SYT1: variants seen among roughly 807,000 people sequenced by gnomAD.
The protein encoded by SYT1 is synaptotagmin-1.
SYT1 carries 8 observed loss-of-function variants against 44.8 expected under a neutral mutation model. The ratio of observed to expected loss-of-function variants is 0.18; its 90% CI spans 0.10 to 0.32. The LOEUF (loss-of-function observed/expected upper bound fraction) is 0.32, where lower values mean the gene tolerates loss of function less well. SYT1 is among the 10% of genes least tolerant of loss of function. The pLI, the probability that SYT1 is intolerant of heterozygous loss-of-function variation, is 1.00. For missense variants in SYT1, 286 were observed against 509.3 expected (o/e 0.56, Z 4.22); for synonymous variants, 154 against 188.8 (o/e 0.82, Z 1.51).
At chr12:79,019,229 G>A (rs935137032) in intron 2 of SYT1, among the ~76,000 whole-genome samples, 2 of 151,880 alleles carry the variant, frequency 1.3e-5, no homozygotes, top group Admixed American at 6.6e-5. Context: ...ATGTGATTTC[G>A]CAGTCTATAA....
At chr12:79,331,923 CTT>C (rs1881875641) in intron 8 of SYT1, among the ~76,000 whole-genome samples, 4 of 152,128 alleles carry the variant, frequency 2.6e-5, no homozygotes, top group Admixed American at 6.5e-5. Flanking sequence ...TTTCTAGAAA[CTT>C]ATTAATTTTT....
intron 1 of SYT1, among the ~76,000 whole-genome samples, chr12:78,939,156 C>T (rs1006504685): frequency 4.6e-5 from 7 of 152,094 alleles, no homozygotes. Context: ...ATAAACCTAG[C>T]TCATAAAATG....
intron 4 of SYT1, among the ~76,000 whole-genome samples, chr12:79,250,860 G>T (rs1469191573): frequency 6.6e-6 from 1 of 152,066 alleles, no homozygotes; most frequent in Non-Finnish European, 1.5e-5. Flanking sequence ...TCCATCTTTG[G>T]CTTGGCTTTC....
chr12:79,041,790 A>G lies in SYT1; in HGVS notation c.-83-5507A>G, dbSNP rs544437995. On this transcript the variant is annotated intron_variant, in intron 2 of 10. Coordinates refer to ENST00000261205, the MANE Select transcript of SYT1 (RefSeq NM_005639.3). ...CATAGATAGCTCTTATTATTTTGAAATACGTCCCATCAATACCTAATTTAT... is the reference window on the plus strand; with the variant it reads ...CATAGATAGCTCTTATTATTTTGAAGTACGTCCCATCAATACCTAATTTAT... 2.2e-3 allele frequency among the ~76,000 whole-genome samples: 337 copies of G among 151,534 alleles called. 1 individual carries two copies. Among genetic ancestry groups the G allele is most frequent in the South Asian group, 6.7e-3 (32 of 4,782 alleles).
intron 1 of SYT1, among the ~76,000 whole-genome samples, chr12:78,958,134 C>T (rs1038806040): frequency 4.6e-5 from 7 of 152,102 alleles, no homozygotes; most frequent in African/African-American, 1.7e-4. Context: ...TCTCCCTTCT[C>T]CAAGTGTCCT....
chr12:79,194,518 C>G (rs1305553743), intron 3 of SYT1, among the ~76,000 whole-genome samples: 3 of 151,834 alleles, frequency 2.0e-5, no homozygotes, highest in Admixed American at 6.6e-5. Context: ...TAGTCTTGAA[C>G]TCCTGTCCTC....
intron 1 of SYT1, among the ~76,000 whole-genome samples, chr12:78,952,870 TTTTTG>T (rs1230540135): frequency 2.0e-5 from 3 of 152,106 alleles, no homozygotes; most frequent in Non-Finnish European, 4.4e-5. Flanking sequence ...TGCTGAGGGA[TTTTTG>T]TTTTGTTTTG....
chr12:79,415,633 T>C (rs1868687879), intron 9 of SYT1, among the ~76,000 whole-genome samples: 1 of 152,222 alleles, frequency 6.6e-6, no homozygotes, highest in Non-Finnish European at 1.5e-5. Flanking sequence ...GCAGATTATA[T>C]GTAGAGTTTT....
At chr12:79,092,133 G>A (rs1036043381) in intron 3 of SYT1, among the ~76,000 whole-genome samples, 5 of 151,804 alleles carry the variant, frequency 3.3e-5, no homozygotes, top group Non-Finnish European at 7.4e-5. Flanking sequence ...GGGCCTCTCA[G>A]GAAGTGACAT....
chr12:79,364,550 T>C (rs937925915), intron 9 of SYT1, among the ~76,000 whole-genome samples: 2 of 152,200 alleles, frequency 1.3e-5, no homozygotes, highest in Non-Finnish European at 2.9e-5. Context: ...TCATTTTCAA[T>C]GATGACTGGA....
intron 4 of SYT1, among the ~76,000 whole-genome samples, chr12:79,276,586 GA>G (rs1255573839): frequency 4.0e-5 from 6 of 150,730 alleles, no homozygotes; most frequent in African/African-American, 1.5e-4. Flanking sequence ...TGAGGCAGGA[GA>G]ATCACTTGAA....
At chr12:79,276,920 AATG>A (rs1032127460) in intron 4 of SYT1, among the ~76,000 whole-genome samples, 1 of 151,114 alleles carries the variant, frequency 6.6e-6, no homozygotes, top group Non-Finnish European at 1.5e-5. Context: ...AAGAAGGAAA[AATG>A]ATGAAGGAAG....
At chr12:79,236,170 T>G (rs1405498) in intron 4 of SYT1, among the ~76,000 whole-genome samples, 1 of 152,032 alleles carries the variant, frequency 6.6e-6, no homozygotes, top group Non-Finnish European at 1.5e-5. Context: ...GCCAGCCCAT[T>G]GTACATAAAT....
intron 2 of SYT1, among the ~76,000 whole-genome samples, chr12:79,026,297 G>A (rs1466383074): frequency 6.6e-6 from 1 of 151,464 alleles, no homozygotes. Flanking sequence ...AGTTATTATT[G>A]CTTCTTGATG....
intron 9 of SYT1, among the ~76,000 whole-genome samples, chr12:79,355,183 A>T (rs1392098435): frequency 6.6e-6 from 1 of 152,154 alleles, no homozygotes; most frequent in Admixed American, 6.6e-5. Context: ...GGCTGGCTGC[A>T]GGCATTTTGG....
In SYT1 at chr12:78,905,452, G is replaced by A. The variant is rs1875923609; in HGVS notation, c.-217+40343G>A. Among the ~76,000 whole-genome samples the A allele has an allele frequency of 2.0e-5, 3 of 152,058 alleles. No homozygotes were observed. The South Asian group carries it at 6.2e-4, about 32-fold the overall frequency. On this transcript the variant is annotated intron_variant, in intron 1 of 10. Transcript: ENST00000261205. ...TCCCGGTGGTAATTGAAGGAAAACA[G>A]TTGTAATAGTAATAGCTAAATTGTC...
At chr12:79,166,956 TC>T (rs1437005927) in intron 3 of SYT1, among the ~76,000 whole-genome samples, 1 of 152,032 alleles carries the variant, frequency 6.6e-6, no homozygotes, top group Non-Finnish European at 1.5e-5. Context: ...GTTTTGTAAA[TC>T]ACCTCAAACA....
chr12:78,964,619 C>G (rs187092656), intron 1 of SYT1, among the ~76,000 whole-genome samples: 18 of 146,542 alleles, frequency 1.2e-4, no homozygotes, highest in African/African-American at 4.2e-4. Flanking sequence ...TATTTGTGCT[C>G]TAAAGTGTTA....
intron 3 of SYT1, among the ~76,000 whole-genome samples, chr12:79,110,167 G>A (rs982888428): frequency 5.3e-5 from 8 of 151,694 alleles, no homozygotes; most frequent in Non-Finnish European, 7.4e-5. Flanking sequence ...ATTTATCTCC[G>A]AATAGAAGAT....
Sources: allele counts gnomAD v4.1 joint callset (sites outside exome capture counted in the v4.1 genomes callset), GRCh38; gene constraint gnomAD v4.1.1; transcripts MANE v1.5; gene names NCBI Gene and HGNC (gene_info 2026-07-23, HGNC 2026-07-21).